The following GUCY1A2 variants were observed in gnomAD, a reference collection of about 807,000 sequenced individuals.
GUCY1A2 encodes guanylate cyclase soluble subunit alpha-2.
Under a neutral mutation model 63.5 loss-of-function variants are expected in GUCY1A2, and 27 were observed. The ratio of observed to expected loss-of-function variants is 0.43; its 90% CI spans 0.31 to 0.59. The LOEUF is 0.59. GUCY1A2 is among the 20% of genes least tolerant of loss of function. GUCY1A2 has a pLI of 0.11. For missense variants in GUCY1A2, 768 were observed against 913.3 expected (o/e 0.84, Z 2.05); for synonymous variants, 364 against 343.5 (o/e 1.06, Z -0.66).
At chr11:106,913,831 G>T (rs1860328804) in intron 4 of GUCY1A2, among the ~76,000 whole-genome samples, 1 of 151,886 alleles carries the variant, frequency 6.6e-6, no homozygotes, top group South Asian at 2.1e-4. Flanking sequence ...TCCTATAGGG[G>T]AAAATACCTT....
intron 6 of GUCY1A2, among the ~76,000 whole-genome samples, chr11:106,722,195 T>C (rs1863329108): frequency 6.6e-6 from 1 of 152,154 alleles, no homozygotes; most frequent in Non-Finnish European, 1.5e-5. Context: ...TCATTCATCT[T>C]TGTATTCCTC....
chr11:106,737,402 C>CT (rs1057153421), intron 6 of GUCY1A2, among the ~76,000 whole-genome samples: 6 of 151,954 alleles, frequency 3.9e-5, no homozygotes, highest in Admixed American at 6.6e-5. Flanking sequence ...ATCTCTTTTT[C>CT]TTTTTTTAAA....
At chr11:106,897,491 A>G (rs1334904956) in intron 4 of GUCY1A2, among the ~76,000 whole-genome samples, 1 of 152,108 alleles carries the variant, frequency 6.6e-6, no homozygotes, top group Non-Finnish European at 1.5e-5. Flanking sequence ...TATTTGCAAA[A>G]GAATAGACAA....
At chr11:106,864,475 G>C (rs1232683660) in intron 4 of GUCY1A2, among the ~76,000 whole-genome samples, 6 of 152,178 alleles carry the variant, frequency 3.9e-5, no homozygotes, top group African/African-American at 1.4e-4. Context: ...AGTGGTGAGA[G>C]AGGGCATCCT....
intron 6 of GUCY1A2, among the ~76,000 whole-genome samples, chr11:106,740,235 G>C (rs11826605): frequency 0.016 from 2,501 of 151,776 alleles, 87 homozygotes; most frequent in African/African-American, 0.057. Context: ...CCTCACCTCA[G>C]GTGACCCACG....
intron 6 of GUCY1A2, among the ~76,000 whole-genome samples, chr11:106,733,258 CAT>C (rs1863534352): frequency 6.6e-6 from 1 of 151,992 alleles, no homozygotes; most frequent in Non-Finnish European, 1.5e-5. Context: ...TATACATAAA[CAT>C]ATATGTGTGC....
intron 4 of GUCY1A2, among the ~76,000 whole-genome samples, chr11:106,877,786 T>TA (rs1859770004): frequency 6.6e-6 from 1 of 152,080 alleles, no homozygotes; most frequent in Non-Finnish European, 1.5e-5. Context: ...GGGATATAAT[T>TA]ACACTGAAGA....
chr11:106,842,904 G>A (rs1206851354), intron 4 of GUCY1A2, among the ~76,000 whole-genome samples: 1 of 151,872 alleles, frequency 6.6e-6, no homozygotes, highest in Non-Finnish European at 1.5e-5. Flanking sequence ...GGGTGTCTGT[G>A]GCAGTGCCAT....
chr11:106,856,511 T>C (rs1346494023), intron 4 of GUCY1A2, among the ~76,000 whole-genome samples: 3 of 152,162 alleles, frequency 2.0e-5, no homozygotes, highest in Admixed American at 6.5e-5. Flanking sequence ...ATCAGTTCTA[T>C]CTGTTTTTAA....
chr11:106,866,512 C>T (rs1029729897), intron 4 of GUCY1A2, among the ~76,000 whole-genome samples: 1 of 152,034 alleles, frequency 6.6e-6, no homozygotes, highest in African/African-American at 2.4e-5. Context: ...CAGGCAGATG[C>T]AAGGAAGAGA....
intron 1 of GUCY1A2, 107 bp downstream of exon 1, chr11:107,017,646 C>G: frequency 1.8e-6 from 1 of 546,568 alleles, no homozygotes; most frequent in South Asian, 5.1e-5. Context: ...GCCGGGCCGC[C>G]CCCCAGCGGT....
intron 5 of GUCY1A2, 27 bp from the exon 6 acceptor site, chr11:106,776,609 A>T: frequency 6.2e-7 from 1 of 1,606,398 alleles, no homozygotes; most frequent in Non-Finnish European, 8.5e-7. Context: ...AATCAAATGC[A>T]AACGTATGAT....
At chr11:106,892,996 A>G (rs1859995161) in intron 4 of GUCY1A2, among the ~76,000 whole-genome samples, 2 of 152,198 alleles carry the variant, frequency 1.3e-5, no homozygotes, top group Non-Finnish European at 1.5e-5. Context: ...TTTCTTTATA[A>G]GGCAACATTA....
rs1245306135 is a variant in GUCY1A2, at chr11:106,680,457, T to C, written c.*7092A>G. 4.8e-6 allele frequency: 1 copy of C among 206,204 alleles called. No individual in the cohort carries two copies. Among genetic ancestry groups the C allele is most frequent in the East Asian group, 7.4e-5 (1 of 13,506 alleles). The allele number at this position is 206,204 out of a possible 1,614,324, so 12.8% of individuals were successfully genotyped here. On this transcript the variant is annotated 3_prime_UTR_variant, in exon 8 of 8. Coordinates refer to ENST00000526355, the MANE Select transcript of GUCY1A2 (RefSeq NM_000855.3). ...AAGTAACTATTACTCAGACCTGCCA[T>C]TTGGTTTTTCTTTTCTGCTTTTAAA... is the stretch of plus-strand genomic sequence containing the variant.
intron 7 of GUCY1A2, among the ~76,000 whole-genome samples, chr11:106,694,232 T>A (rs1304813110): frequency 1.3e-5 from 2 of 152,208 alleles, no homozygotes; most frequent in Non-Finnish European, 2.9e-5. Flanking sequence ...CTGTTATGAA[T>A]GTAGACTTTT....
At chr11:106,810,620 T>C in intron 4 of GUCY1A2, 142 bp from the exon 5 acceptor site, 1 of 599,862 alleles carries the variant, frequency 1.7e-6, no homozygotes. Flanking sequence ...AATTTAAATC[T>C]GATTTTCAGC....
intron 3 of GUCY1A2, among the ~76,000 whole-genome samples, chr11:106,976,425 C>T (rs1034298964): frequency 6.6e-6 from 1 of 152,092 alleles, no homozygotes; most frequent in Non-Finnish European, 1.5e-5. Flanking sequence ...TTAAACACAA[C>T]TTTAAAAAAA....
intron 6 of GUCY1A2, among the ~76,000 whole-genome samples, chr11:106,709,876 T>TATAGTTATATATTATATACACGTATAGA (rs1565265156): frequency 0.024 from 2,826 of 117,550 alleles, 136 homozygotes; most frequent in Non-Finnish European, 0.033. Flanking sequence ...GTATAGAATA[T>TATAGTTATATATTATATACACGTATAGA]ATAGTTATAT....
chr11:106,885,342 C>A lies in GUCY1A2; in HGVS notation c.1206+54118G>T, dbSNP rs547698974. On this transcript the variant is annotated intron_variant, in intron 4 of 7. Coordinates refer to ENST00000526355, the MANE Select transcript of GUCY1A2 (RefSeq NM_000855.3). The stretch of plus-strand genomic sequence containing the variant: ...TGAGTAAATTTATCCATCAATCTTA[C>A]ATTAACTGAGCAGCACCACACAATT... Among the ~76,000 whole-genome samples, 4 of 152,200 alleles carry A rather than the reference C, an allele frequency of 2.6e-5. No individual in the cohort carries two copies. In the South Asian group the frequency reaches 8.3e-4, roughly 32 times the overall value.
Sources: gnomAD v4.1 joint callset for allele counts (sites outside exome capture counted in the v4.1 genomes callset) on GRCh38, gnomAD v4.1.1 for gene constraint, MANE v1.5 for transcripts, NCBI Gene and HGNC (gene_info 2026-07-23, HGNC 2026-07-21) for gene names.